Variants in BANP observed in about 807,000 individuals in gnomAD.
BANP encodes protein BANP.
Under a neutral mutation model 68.1 loss-of-function variants are expected in BANP, and 11 were observed. The ratio of observed to expected loss-of-function variants is 0.16; its 90% CI spans 0.10 to 0.27. BANP has a LOEUF of 0.27. Among genes scored for constraint, BANP ranks in the 10% least tolerant of loss-of-function variants. The pLI is 1.00. For missense variants in BANP, 504 were observed against 722.7 expected, an observed-to-expected ratio of 0.70 and a Z score of 3.47; for synonymous variants, 329 against 303.2, an observed-to-expected ratio of 1.09 and a Z score of -0.88.
At chr16:88,024,647 C>T (rs1440640601) in intron 7 of BANP, among the ~76,000 whole-genome samples, 3 of 152,242 alleles carry the variant, frequency 2.0e-5, no homozygotes, top group Non-Finnish European at 4.4e-5. Flanking sequence ...TTCAGATCCT[C>T]GCCCTCCTCA....
In BANP at chr16:88,004,505, A is replaced by C; in HGVS notation, c.479+94A>C. ...TCCCTAAGCCAGGGCACAGTCCAGC[A>C]CACGCTTCATCTCTGTGGTCACAGG... On this transcript the variant is annotated intron_variant, in intron 5 of 13. Coordinates refer to ENST00000682872, the MANE Select transcript of BANP (RefSeq NM_001386991.1). The surrounding 1 kb of genome is among the most constrained non-coding windows in gnomAD (Gnocchi z 7.0). 1.4e-6 allele frequency: 1 copy of C among 711,192 alleles called. No homozygotes were observed. Among genetic ancestry groups the C allele is most frequent in the Non-Finnish European group, 2.3e-6 (1 of 429,868 alleles). 44.1% of individuals were successfully genotyped at this position (711,192 alleles called of 1,614,324 possible).
intron 1 of BANP, among the ~76,000 whole-genome samples, chr16:87,963,214 G>A (rs973556721): frequency 2.0e-5 from 3 of 152,148 alleles, no homozygotes; most frequent in Admixed American, 6.5e-5. Context: ...GGTGGCCGTG[G>A]TCCCTTCTTG....
intron 6 of BANP, among the ~76,000 whole-genome samples, chr16:88,010,187 A>C (rs2072653154): frequency 6.6e-6 from 1 of 152,248 alleles, no homozygotes; most frequent in African/African-American, 2.4e-5. Context: ...TTAGAGAAAC[A>C]AGTTGAGCTA....
At chr16:88,054,294 C>CATT (rs1367268340) in intron 11 of BANP, among the ~76,000 whole-genome samples, 3 of 109,872 alleles carry the variant, frequency 2.7e-5, no homozygotes, top group Non-Finnish European at 4.5e-5. Context: ...TCATCTCCAT[C>CATT]ATCATCACCA....
intron 1 of BANP, among the ~76,000 whole-genome samples, chr16:87,953,054 C>T (rs886626204): frequency 6.6e-6 from 1 of 152,108 alleles, no homozygotes; most frequent in Non-Finnish European, 1.5e-5. Flanking sequence ...CTCAACATCT[C>T]GGGTGCTTCA....
intron 7 of BANP, 38 bp from the exon 8 acceptor site, chr16:88,027,445 A>C: frequency 6.2e-7 from 1 of 1,611,038 alleles, no homozygotes; most frequent in Non-Finnish European, 8.5e-7. Flanking sequence ...GCTGTCCCGA[A>C]CAGGCCTCAC....
At chr16:88,033,428 T>C (rs1475537825) in intron 9 of BANP, among the ~76,000 whole-genome samples, 183 bp downstream of exon 9, 1 of 151,642 alleles carries the variant, frequency 6.6e-6, no homozygotes, top group Non-Finnish European at 1.5e-5. Flanking sequence ...ATTTCACAGG[T>C]GGGGGCGGCT....
At chr16:88,027,199 G>A (rs1222074063) in intron 7 of BANP, among the ~76,000 whole-genome samples, 2 of 152,248 alleles carry the variant, frequency 1.3e-5, no homozygotes, top group Non-Finnish European at 2.9e-5. Flanking sequence ...TGCACCTGGT[G>A]TGGGCCGACC....
At chr16:87,999,097 C>T (rs564371828) in intron 4 of BANP, among the ~76,000 whole-genome samples, 66 of 140,950 alleles carry the variant, frequency 4.7e-4, no homozygotes, top group African/African-American at 1.6e-3. Context: ...GCTGTACTTG[C>T]CTGTCCTTCC....
intron 6 of BANP, among the ~76,000 whole-genome samples, chr16:88,015,277 C>T (rs146523991): frequency 3.8e-4 from 56 of 146,872 alleles, no homozygotes; most frequent in African/African-American, 1.4e-3. Context: ...ATGCCCTCTG[C>T]CTGTACCTCC....
intron 9 of BANP, among the ~76,000 whole-genome samples, chr16:88,033,908 G>A (rs2078743047): frequency 6.8e-6 from 1 of 147,924 alleles, no homozygotes; most frequent in Admixed American, 6.6e-5. Context: ...TGAGAAGGAA[G>A]GAAGACTTTT....
intron 12 of BANP, among the ~76,000 whole-genome samples, chr16:88,068,353 T>G (rs1001614190): frequency 6.6e-6 from 1 of 152,194 alleles, no homozygotes; most frequent in African/African-American, 2.4e-5. Flanking sequence ...GGCAGGCGCT[T>G]GGGAGTTACC....
At chr16:88,069,909 TCTGCCTCTG>T (rs2089868132) in intron 12 of BANP, among the ~76,000 whole-genome samples, 1 of 152,142 alleles carries the variant, frequency 6.6e-6, no homozygotes, top group South Asian at 2.1e-4. Flanking sequence ...CTCTGTCTCT[TCTGCCTCTG>T]CTGCCCTGAG....
chr16:88,017,863 CT>C (rs2074951651), intron 6 of BANP, among the ~76,000 whole-genome samples: 1 of 152,260 alleles, frequency 6.6e-6, no homozygotes, highest in Non-Finnish European at 1.5e-5. Flanking sequence ...TGCATTGTAA[CT>C]GCCCTGAGAA....
chr16:88,011,430 AC>A (rs2073094723), intron 6 of BANP, among the ~76,000 whole-genome samples: 1 of 152,082 alleles, frequency 6.6e-6, no homozygotes, highest in African/African-American at 2.4e-5. Context: ...TCTCTGCGTG[AC>A]CCGGAGGCGC....
intron 11 of BANP, among the ~76,000 whole-genome samples, chr16:88,049,870 A>C (rs1201377125): frequency 6.6e-6 from 1 of 152,184 alleles, no homozygotes; most frequent in African/African-American, 2.4e-5. Context: ...CAGAAGGAAA[A>C]CATGTTTCCT....
chr16:88,052,345 T>C (rs2152829441), intron 11 of BANP, among the ~76,000 whole-genome samples: 1 of 152,262 alleles, frequency 6.6e-6, no homozygotes, highest in South Asian at 2.1e-4. Context: ...AGACTTGCTT[T>C]CTCCTATGTC....
At chr16:88,076,502 C>T in intron 13 of BANP, 88 bp from the exon 14 acceptor site, 1 of 1,193,682 alleles carries the variant, frequency 8.4e-7, no homozygotes, top group Admixed American at 2.1e-5. Flanking sequence ...TCTCATTCTG[C>T]CTTAAAGTCA....
chr16:88,010,367 A>G (rs2072695200), intron 6 of BANP, among the ~76,000 whole-genome samples: 1 of 152,226 alleles, frequency 6.6e-6, no homozygotes. Flanking sequence ...TTGTGGTTGA[A>G]TTCTAATTGA....
Sources: allele counts gnomAD v4.1 joint callset (sites outside exome capture counted in the v4.1 genomes callset), GRCh38; gene constraint gnomAD v4.1.1; non-coding constraint Gnocchi (gnomAD v3.1); transcripts MANE v1.5; gene names NCBI Gene and HGNC (gene_info 2026-07-23, HGNC 2026-07-21).